Variants in BAHCC1 observed in about 807,000 individuals in gnomAD.
The protein encoded by BAHCC1 is BAH and coiled-coil domain-containing protein 1.
BAHCC1 carries 43 observed loss-of-function variants against 88.2 expected under a neutral mutation model. That is an observed-to-expected ratio of 0.49 (90% CI 0.38 to 0.63). BAHCC1 has a LOEUF of 0.63. Among genes scored for constraint, BAHCC1 ranks in the 20% least tolerant of loss-of-function variants. The probability of loss-of-function intolerance (pLI) is 0.00; values close to 1 mark genes in which losing one functional copy is unlikely to be tolerated. For missense variants in BAHCC1, 3,023 were observed against 1,654.8 expected, an observed-to-expected ratio of 1.83 and a Z score of -14.34; for synonymous variants, 1,510 against 745.5, an observed-to-expected ratio of 2.03 and a Z score of -16.71.
intron 11 of BAHCC1, among the ~76,000 whole-genome samples, chr17:81,449,428 A>G (rs9905170): frequency 0.77 from 116,601 of 152,184 alleles, 45,041 homozygotes; most frequent in Middle Eastern, 0.81. Flanking sequence ...CCAGACAGCA[A>G]GATTTGCAGA....
rs782241564 is a variant in BAHCC1 at position 81,444,512 on chromosome 17, C to T, written c.2456C>T (p.Pro819Leu). The change falls in exon 7 of 28, where the codon CCC (proline) becomes CTC (leucine). Residue 819 changes from proline (P) to leucine (L), a missense_variant. By Grantham distance (98) the Pro-to-Leu change is moderately conservative (BLOSUM62 -3). Coordinates refer to ENST00000675386, the MANE Select transcript of BAHCC1 (RefSeq NM_001377448.1). ...CCAGCCCCCCACACCCACCCCCATCCCCCCTGGCTGCCCCGCACCCGCAGC... is the reference window on the plus strand; with the variant it reads ...CCAGCCCCCCACACCCACCCCCATCTCCCCTGGCTGCCCCGCACCCGCAGC... ...GDPAPHTHPH[P>L]PWLPRTRSPS... 2.9e-6 allele frequency: 2 copies of T among 698,886 alleles called. No homozygotes were observed. Among genetic ancestry groups the T allele is most frequent in the East Asian group, 2.7e-5 (1 of 37,472 alleles). 43.3% of individuals were successfully genotyped at this position (698,886 alleles called of 1,614,324 possible).
At chr17:81,406,734 T>C (rs2063884604) in intron 2 of BAHCC1, among the ~76,000 whole-genome samples, 1 of 152,180 alleles carries the variant, frequency 6.6e-6, no homozygotes, top group Non-Finnish European at 1.5e-5. Flanking sequence ...CCAGGGATGG[T>C]GGGCGCTAGG....
At chr17:81,422,014 A>ATTTTTTTT (rs34098647) in intron 2 of BAHCC1, 1 of 265,022 alleles carries the variant, frequency 3.8e-6, no homozygotes. Flanking sequence ...TCCTCTCGTG[A>ATTTTTTTT]TTTTTTTTTT....
chr17:81,442,640 C>G lies in BAHCC1; in HGVS notation c.1291C>G (p.Pro431Ala). 1 of 776,382 alleles carries G rather than the reference C, an allele frequency of 1.3e-6. No individual in the cohort carries two copies. The highest frequency in any genetic ancestry group is 1.7e-5 in the Admixed American group (1 of 58,724). The allele number at this position is 776,382 out of a possible 1,614,324, so 48.1% of individuals were successfully genotyped here. A position where few individuals can be genotyped will look rare whatever the true frequency, so the allele number is the denominator to read the frequency against. ...CCGGCACCTGGAGGGAACCATGGCC[C>G]CCGACCACGCTGCACCCTATGGAGT... ...KDRHLEGTMA[P>A]DHAAPYGVSY... The change falls in exon 5 of 28, where the codon CCC (proline) becomes GCC (alanine). Residue 431 changes from proline (P) to alanine (A), a missense_variant. Coordinates refer to ENST00000675386, the MANE Select transcript of BAHCC1 (RefSeq NM_001377448.1).
chr17:81,460,548 C>A lies in BAHCC1; in HGVS notation c.6044C>A (p.Ala2015Asp). 1.3e-6 allele frequency: 1 copy of A among 759,718 alleles called. No individual in the cohort carries two copies. Among genetic ancestry groups the A allele is most frequent in the Non-Finnish European group, 2.5e-6 (1 of 408,130 alleles). 47.1% of individuals were successfully genotyped at this position (759,718 alleles called of 1,614,324 possible). A position where few individuals can be genotyped will look rare whatever the true frequency, so the allele number is the denominator to read the frequency against. ...TCCACAGGCACAGAGCCCTCTCCAG[C>A]CCTGCTAGTGTCTAGCAGCTGCCGG... is the stretch of plus-strand genomic sequence containing the variant. ...FKIQCTEPSPALLVSSSCRRT... is the reference protein window; with the variant it reads ...FKIQCTEPSPDLLVSSSCRRT... Residue 2015 changes from alanine (A) to aspartate (D), a missense_variant, in exon 25 of 28, where the codon GCC becomes GAC. Ala to Asp is a moderately radical substitution (Grantham distance 126, BLOSUM62 -2). Coordinates refer to ENST00000675386, the MANE Select transcript of BAHCC1 (RefSeq NM_001377448.1).
In BAHCC1 at chr17:81,459,248, C is replaced by T. The variant is rs782787819; in HGVS notation, c.5721-5C>T. 1.3e-6 allele frequency: 1 copy of T among 778,862 alleles called. No homozygotes were observed. The highest frequency in any genetic ancestry group is 2.4e-6 in the Non-Finnish European group (1 of 417,456). 48.2% of individuals were successfully genotyped at this position (778,862 alleles called of 1,614,324 possible). A position where few individuals can be genotyped will look rare whatever the true frequency, so the allele number is the denominator to read the frequency against. On this transcript the variant is annotated splice_polypyrimidine_tract_variant and splice_region_variant and intron_variant, in intron 21 of 27. Transcript: ENST00000675386. ...GTGGCACCTCACATTCCCCAATGCCCCCAGCTATAGCATCGTCATCGAGGG... is the reference window on the plus strand; with the variant it reads ...GTGGCACCTCACATTCCCCAATGCCTCCAGCTATAGCATCGTCATCGAGGG...
intron 2 of BAHCC1, among the ~76,000 whole-genome samples, chr17:81,414,854 C>T (rs781854235): frequency 1.2e-4 from 18 of 152,192 alleles, no homozygotes; most frequent in Admixed American, 9.2e-4. Context: ...ATCGCTGCCA[C>T]GCTGCGCTGA....
In BAHCC1 at chr17:81,461,303, G is replaced by A; in HGVS notation, c.6640G>A (p.Gly2214Ser). 1 of 717,276 alleles carries A rather than the reference G, an allele frequency of 1.4e-6. No homozygotes were observed. The allele number at this position is 717,276 out of a possible 1,614,324, so 44.4% of individuals were successfully genotyped here. The stretch of plus-strand genomic sequence containing the variant: ...GTTCCTGGTCAAGCTGGACCACGAG[G>A]GTGTGACCTCCCCCAAGAACAAGAC... ...GEFLVKLDHEGVTSPKNKTCK... is the reference protein window; with the variant it reads ...GEFLVKLDHESVTSPKNKTCK... The change falls in exon 26 of 28, where the codon GGT (glycine) becomes AGT (serine). Residue 2214 changes from glycine to serine, a missense_variant. Transcript: ENST00000675386.
intron 3 of BAHCC1, among the ~76,000 whole-genome samples, 194 bp from the exon 4 acceptor site, chr17:81,438,176 G>A (rs1555651984): frequency 6.6e-6 from 1 of 152,240 alleles, no homozygotes. Flanking sequence ...GTGCCGCACC[G>A]GAGGGATGGC....
chr17:81,447,872 C>A, intron 11 of BAHCC1, 24 bp downstream of exon 11: 1 of 716,122 alleles, frequency 1.4e-6, no homozygotes. Flanking sequence ...TTGCCGCCAC[C>A]CCCCAGAGTC....
chr17:81,449,864 C>T (rs1166515034), intron 11 of BAHCC1, among the ~76,000 whole-genome samples: 1 of 152,162 alleles, frequency 6.6e-6, no homozygotes, highest in East Asian at 1.9e-4. Context: ...TTGGTCTGGG[C>T]TTGTGGCCCC....
At chr17:81,421,425 G>A (rs917159743) in intron 2 of BAHCC1, among the ~76,000 whole-genome samples, 1 of 152,240 alleles carries the variant, frequency 6.6e-6, no homozygotes, top group African/African-American at 2.4e-5. Context: ...GGAGGCGGGG[G>A]TGACAGTAGA....
chr17:81,459,489 C>T lies in BAHCC1; in HGVS notation c.5797-7C>T, dbSNP rs1391598368. ...CTGCTCATGGGTCGTCGCCCGCGTT[C>T]CTGCAGGTTCTCGATGTGCGGCCAC... On this transcript the variant is annotated splice_polypyrimidine_tract_variant and splice_region_variant and intron_variant, in intron 22 of 27. Coordinates refer to ENST00000675386, the MANE Select transcript of BAHCC1 (RefSeq NM_001377448.1). The T allele has an allele frequency of 1.3e-6, 1 of 779,156 alleles. No homozygotes were observed. The highest frequency in any genetic ancestry group is 2.4e-6 in the Non-Finnish European group (1 of 417,770). The allele number at this position is 779,156 out of a possible 1,614,324, so 48.3% of individuals were successfully genotyped here. A position where few individuals can be genotyped will look rare whatever the true frequency, so the allele number is the denominator to read the frequency against.
chr17:81,410,606 T>A (rs538470755), intron 2 of BAHCC1, among the ~76,000 whole-genome samples: 257 of 150,740 alleles, frequency 1.7e-3, no homozygotes, highest in African/African-American at 5.6e-3. Flanking sequence ...CCACGGGTCC[T>A]GGCACCACGG....
Position 81,426,808 on chromosome 17 carries a change from C to T in BAHCC1, c.187C>T (p.Arg63Cys), listed in dbSNP as rs1598473529. The change falls in exon 3 of 28, where the codon CGC (arginine) becomes TGC (cysteine). Residue 63 changes from arginine to cysteine, a missense_variant. By Grantham distance (180) the Arg-to-Cys change is radical. Transcript: ENST00000675386. ...LPMASHTASS[R>C]LMGSSPASSF... ...TTGCCCTGTGTCCACAGCCAGCAGCCGCCTGATGGGAAGTTCTCCGGCCTC... is the reference window on the plus strand; with the variant it reads ...TTGCCCTGTGTCCACAGCCAGCAGCTGCCTGATGGGAAGTTCTCCGGCCTC... 1.3e-5 allele frequency: 5 copies of T among 398,690 alleles called. No homozygotes were observed. The highest frequency in any genetic ancestry group is 3.6e-5 in the East Asian group (1 of 28,104). The allele number at this position is 398,690 out of a possible 1,614,324, so 24.7% of individuals were successfully genotyped here. A position where few individuals can be genotyped will look rare whatever the true frequency, so the allele number is the denominator to read the frequency against.
rs2064194239 is a variant in BAHCC1, at chr17:81,426,131, T to G, written c.179-669T>G. On this transcript the variant is annotated intron_variant, in intron 2 of 27. Coordinates refer to ENST00000675386, the MANE Select transcript of BAHCC1 (RefSeq NM_001377448.1). ...GTGATGTGGTTGGTGGTGATAGTGG[T>G]TGGTGGTGATAGTGGTGGGTGATGT... is the stretch of plus-strand genomic sequence containing the variant. 2.6e-4 allele frequency among the ~76,000 whole-genome samples: 32 copies of G among 121,256 alleles called. 1 individual carries two copies. Among genetic ancestry groups the G allele is most frequent in the Middle Eastern group, 3.9e-3 (1 of 258 alleles). 79.5% of individuals were successfully genotyped at this position (121,256 alleles called of 152,430 possible). A position where few individuals can be genotyped will look rare whatever the true frequency, so the allele number is the denominator to read the frequency against.
rs145051123 is a variant in BAHCC1, at chr17:81,466,252, A to C, written c.*2435A>C. 6.6e-6 allele frequency: 1 copy of C among 152,430 alleles called. No homozygotes were observed. Among genetic ancestry groups the C allele is most frequent in the African/African-American group, 2.4e-5 (1 of 41,470 alleles). The allele number at this position is 152,430 out of a possible 1,614,324, so 9.4% of individuals were successfully genotyped here. A position where few individuals can be genotyped will look rare whatever the true frequency, so the allele number is the denominator to read the frequency against. ...CACACAAAGGTTTTATGAACAGCAG[A>C]CTCTATGTAAAGGCATTTTAGTATC... is the stretch of plus-strand genomic sequence containing the variant. On this transcript the variant is annotated 3_prime_UTR_variant, in exon 28 of 28. Transcript: ENST00000675386.
In BAHCC1 at chr17:81,462,794, G is replaced by T. The variant is rs1555659881; in HGVS notation, c.7438G>T (p.Gly2480Cys). ...RKLFYKAIVR[G>C]EETLRVGDCA... ...GCTGTTCTACAAGGCCATCGTGCGGGGCGAGGAGACCCTGCGTGTCGGGGA... is the reference window on the plus strand; with the variant it reads ...GCTGTTCTACAAGGCCATCGTGCGGTGCGAGGAGACCCTGCGTGTCGGGGA... Residue 2480 changes from glycine to cysteine, a missense_variant, in exon 27 of 28, where the codon GGC (glycine) becomes TGC (cysteine). Transcript: ENST00000675386. The T allele has an allele frequency of 1.3e-6, 1 of 780,002 alleles. No homozygotes were observed. The allele number at this position is 780,002 out of a possible 1,614,324, so 48.3% of individuals were successfully genotyped here.
At chr17:81,396,784 C>T (rs1248225650) in intron 1 of BAHCC1, 2 of 152,330 alleles carry the variant, frequency 1.3e-5, no homozygotes, top group Admixed American at 6.5e-5. Flanking sequence ...CCTGCCTTCC[C>T]GGGAGGGAGC....
Sources: gnomAD v4.1 joint callset for allele counts (sites outside exome capture counted in the v4.1 genomes callset) on GRCh38, gnomAD v4.1.1 for gene constraint, MANE v1.5 for transcripts, NCBI Gene and HGNC (gene_info 2026-07-23, HGNC 2026-07-21) for gene names.